STK39: variants seen among roughly 807,000 people sequenced by gnomAD.
STK39 encodes the protein serine/threonine kinase 39, also known as STE20/SPS1-related proline-alanine-rich protein kinase.
Under a neutral mutation model 77.8 loss-of-function variants are expected in STK39, and 20 were observed. That is an observed-to-expected ratio of 0.26 (90% confidence interval 0.18 to 0.37). The LOEUF is 0.37. STK39 is among the 10% of genes least tolerant of loss of function. The pLI, the probability that STK39 is intolerant of heterozygous loss-of-function variation, is 1.00. For synonymous variants in STK39, 246 were observed against 234.1 expected (o/e 1.05, Z -0.47); for missense variants, 479 against 656.5 (o/e 0.73, Z 2.95).
At chr2:168,065,150 G>A (rs182257678) in intron 13 of STK39, among the ~76,000 whole-genome samples, 169 bp downstream of exon 13, 6 of 152,228 alleles carry the variant, frequency 3.9e-5, no homozygotes, top group Non-Finnish European at 8.8e-5. Context: ...TCATTTAAAG[G>A]TTGGAGGTCC....
chr2:168,120,809 C>T (rs867888147), intron 10 of STK39, among the ~76,000 whole-genome samples: 13 of 152,182 alleles, frequency 8.5e-5, no homozygotes, highest in African/African-American at 1.9e-4. Flanking sequence ...GAGCTTCTGA[C>T]GGTATCTAAC....
chr2:168,202,631 C>T (rs945239679), intron 1 of STK39, among the ~76,000 whole-genome samples: 2 of 152,082 alleles, frequency 1.3e-5, no homozygotes, highest in Non-Finnish European at 2.9e-5. Flanking sequence ...CTCTGTCCAA[C>T]CCCAGCCCAA....
chr2:168,213,441 T>C (rs989267713), intron 1 of STK39, among the ~76,000 whole-genome samples: 2 of 152,112 alleles, frequency 1.3e-5, no homozygotes, highest in Non-Finnish European at 2.9e-5. Context: ...TATGATATCG[T>C]CCTTTCTCAA....
At chr2:168,040,124 C>T (rs1029565127) in intron 14 of STK39, among the ~76,000 whole-genome samples, 1 of 152,144 alleles carries the variant, frequency 6.6e-6, no homozygotes, top group African/African-American at 2.4e-5. Context: ...GACTTCCTCA[C>T]AGTGAGCCGA....
intron 14 of STK39, among the ~76,000 whole-genome samples, chr2:168,026,203 C>T (rs1274938141): frequency 6.6e-6 from 1 of 152,112 alleles, no homozygotes; most frequent in Non-Finnish European, 1.5e-5. Context: ...CAGGGAAAAA[C>T]AATGTAAGTA....
At chr2:168,030,992 A>C (rs1365487240) in intron 14 of STK39, among the ~76,000 whole-genome samples, 2 of 152,184 alleles carry the variant, frequency 1.3e-5, no homozygotes, top group African/African-American at 4.8e-5. Context: ...GTCTAAACAA[A>C]CCAAAAATCC....
At chr2:168,136,398 AG>A (rs1424435603) in intron 8 of STK39, among the ~76,000 whole-genome samples, 1 of 151,786 alleles carries the variant, frequency 6.6e-6, no homozygotes, top group Non-Finnish European at 1.5e-5. Context: ...AGAAATAAAA[AG>A]GGTTTGTTAA....
At chr2:167,970,403 G>C (rs1009253169) in intron 16 of STK39, among the ~76,000 whole-genome samples, 1 of 152,124 alleles carries the variant, frequency 6.6e-6, no homozygotes, top group Non-Finnish European at 1.5e-5. Flanking sequence ...TGTGATATCA[G>C]TGCCCAGCAC....
intron 3 of STK39, among the ~76,000 whole-genome samples, chr2:168,165,092 A>G (rs1688665386): frequency 6.6e-6 from 1 of 152,034 alleles, no homozygotes; most frequent in African/African-American, 2.4e-5. Context: ...TTATTTGTTG[A>G]CTCTTAGATT....
At chr2:168,213,577 T>G (rs542712333) in intron 1 of STK39, among the ~76,000 whole-genome samples, 44 of 151,682 alleles carry the variant, frequency 2.9e-4, no homozygotes, top group South Asian at 8.4e-4. Context: ...TCCCAGCTAC[T>G]CGGGAGGCTG....
intron 5 of STK39, among the ~76,000 whole-genome samples, chr2:168,143,395 A>G (rs1688045185): frequency 6.6e-6 from 1 of 152,132 alleles, no homozygotes; most frequent in Non-Finnish European, 1.5e-5. Flanking sequence ...AGGCCTTTCT[A>G]TGTCACAGGC....
intron 1 of STK39, among the ~76,000 whole-genome samples, chr2:168,236,359 T>A (rs1406681409): frequency 6.6e-6 from 1 of 152,200 alleles, no homozygotes; most frequent in Non-Finnish European, 1.5e-5. Context: ...TAGCCCTTTG[T>A]CAGATGAGTA....
chr2:168,231,894 T>TG (rs1559157897), intron 1 of STK39: 3 of 234,838 alleles, frequency 1.3e-5, no homozygotes, highest in Admixed American at 4.1e-5. Flanking sequence ...CAGCTTGATG[T>TG]GGGGGGAGGA....
Position 168,234,787 on chromosome 2 carries a change from C to A in STK39, c.208+12441G>T, listed in dbSNP as rs1193404033. On this transcript the variant is annotated intron_variant, in intron 1 of 17. Transcript: ENST00000355999. Reference sequence around the variant, plus strand: ...GTAAATAAAAATCATTTTAATGCCCCTAAAGACATAAGATTTTTACTGATT... The same window carrying A: ...GTAAATAAAAATCATTTTAATGCCCATAAAGACATAAGATTTTTACTGATT... Among the ~76,000 whole-genome samples the A allele has an allele frequency of 3.9e-5, 6 of 152,002 alleles. No individual in the cohort carries two copies. The South Asian group carries it at 1.0e-3, about 26-fold the overall frequency.
intron 5 of STK39, among the ~76,000 whole-genome samples, chr2:168,142,916 T>C (rs1484499852): frequency 1.3e-5 from 2 of 152,236 alleles, no homozygotes; most frequent in African/African-American, 4.8e-5. Context: ...CATAGTGTGC[T>C]TATGTTATAT....
intron 1 of STK39, among the ~76,000 whole-genome samples, chr2:168,235,194 T>C (rs553047725): frequency 2.0e-5 from 3 of 152,198 alleles, no homozygotes; most frequent in Non-Finnish European, 2.9e-5. Context: ...TGTGCCACCA[T>C]GCCCAGCTAA....
intron 14 of STK39, among the ~76,000 whole-genome samples, chr2:168,041,044 CA>C (rs1418905893): frequency 2.6e-5 from 4 of 152,086 alleles, no homozygotes; most frequent in Non-Finnish European, 5.9e-5. Context: ...GAGAAGTAAA[CA>C]AAATAGACCT....
At chr2:168,076,519 T>TA (rs1559085367) in intron 10 of STK39, among the ~76,000 whole-genome samples, 3 of 152,130 alleles carry the variant, frequency 2.0e-5, no homozygotes, top group Non-Finnish European at 4.4e-5. Flanking sequence ...TGCGAAGTCA[T>TA]AAAAAATGCA....
intron 14 of STK39, among the ~76,000 whole-genome samples, chr2:168,059,864 T>A (rs1324976722): frequency 6.6e-6 from 1 of 152,128 alleles, no homozygotes; most frequent in Non-Finnish European, 1.5e-5. Context: ...TACAACCAAT[T>A]TGAATATTTG....
Sources: gnomAD v4.1 joint callset for allele counts (sites outside exome capture counted in the v4.1 genomes callset) on GRCh38, gnomAD v4.1.1 for gene constraint, MANE v1.5 for transcripts, NCBI Gene and HGNC (gene_info 2026-07-23, HGNC 2026-07-21) for gene names.